Variants in MYO16 observed in about 807,000 individuals in gnomAD.
MYO16 encodes the protein unconventional myosin-XVI.
MYO16 carries 94 observed loss-of-function variants against 205.3 expected under a neutral mutation model. The observed-to-expected ratio is 0.46, with a 90% CI of 0.39 to 0.54. The LOEUF is 0.54. MYO16 is among the 20% of genes least tolerant of loss of function. The probability of loss-of-function intolerance (pLI) is 0.00; values close to 1 mark genes in which losing one functional copy is unlikely to be tolerated. For synonymous variants in MYO16, 988 were observed against 954.0 expected (o/e 1.04, Z -0.66); for missense variants, 2,315 against 2,387.5 (o/e 0.97, Z 0.63).
chr13:108,673,205 G>A (rs1039952555), intron 2 of MYO16, among the ~76,000 whole-genome samples: 1 of 152,064 alleles, frequency 6.6e-6, no homozygotes, highest in Non-Finnish European at 1.5e-5. Flanking sequence ...ATCTTCACAG[G>A]TTGATTTACC....
chr13:109,096,736 C>G (rs200225607), intron 27 of MYO16, among the ~76,000 whole-genome samples: 4 of 151,486 alleles, frequency 2.6e-5, no homozygotes, highest in Admixed American at 6.6e-5. Flanking sequence ...ACAAAGATGT[C>G]CCCTTACTCT....
the MYO16 span, among the ~76,000 whole-genome samples, chr13:108,580,531 C>CTA: frequency 6.6e-6 from 1 of 152,194 alleles, no homozygotes; most frequent in East Asian, 1.9e-4. Flanking sequence ...TAAATTTAAA[C>CTA]TATAACAAGT....
chr13:108,498,295 G>T, the MYO16 span, among the ~76,000 whole-genome samples: 6 of 152,236 alleles, frequency 3.9e-5, no homozygotes, highest in Non-Finnish European at 5.9e-5. Flanking sequence ...AAGTGAAGGC[G>T]AAGAGGTCCA....
In MYO16 at chr13:108,666,032, G is replaced by A. The variant is rs1294849680; in HGVS notation, c.175G>A (p.Ala59Thr). 3 of 1,614,130 alleles carry A rather than the reference G, an allele frequency of 1.9e-6. No homozygotes were observed. The highest frequency in any genetic ancestry group is 1.6e-4 in the Middle Eastern group (1 of 6,062). ...QIKAYYEREK[A>T]FQKQEGFLKR... Reference sequence around the variant, plus strand: ...CAAAGCCTACTATGAGCGCGAGAAGGCTTTTCAGAAGCAGGAAGGGTTCCT... The same window carrying A: ...CAAAGCCTACTATGAGCGCGAGAAGACTTTTCAGAAGCAGGAAGGGTTCCT... Residue 59 changes from alanine to threonine, a missense_variant, in exon 2 of 35, where the codon GCT becomes ACT. Physicochemically the swap from Ala to Thr is moderately conservative, Grantham distance 58. Around this residue, in one of 3 missense-constraint regions of MYO16, gnomAD observed 1,213 missense variants for 1,274.4 expected, o/e 0.95. Transcript: ENST00000457511.
chr13:108,880,372 TC>T (rs1879554182), intron 12 of MYO16, among the ~76,000 whole-genome samples: 1 of 152,232 alleles, frequency 6.6e-6, no homozygotes, highest in Non-Finnish European at 1.5e-5. Context: ...TTTAATTAGA[TC>T]CCATTTGTCA....
At chr13:109,013,453 T>C (rs1885687682) in intron 22 of MYO16, among the ~76,000 whole-genome samples, 1 of 152,204 alleles carries the variant, frequency 6.6e-6, no homozygotes, top group Non-Finnish European at 1.5e-5. Flanking sequence ...TATACTAGCA[T>C]GGTTTATAAT....
chr13:108,730,415 A>T (rs1884483802), intron 4 of MYO16, among the ~76,000 whole-genome samples: 1 of 152,186 alleles, frequency 6.6e-6, no homozygotes, highest in Non-Finnish European at 1.5e-5. Flanking sequence ...GCAGCGTGAG[A>T]ACAGGCTAAT....
intron 28 of MYO16, among the ~76,000 whole-genome samples, chr13:109,111,593 G>A (rs2776732): frequency 0.79 from 120,292 of 152,156 alleles, 47,558 homozygotes; most frequent in Middle Eastern, 0.82. Flanking sequence ...GTATGAAAAT[G>A]AAGCATTTTA....
At chr13:109,193,137 C>G (rs1451714258) in intron 34 of MYO16, among the ~76,000 whole-genome samples, 1 of 152,172 alleles carries the variant, frequency 6.6e-6, no homozygotes, top group Non-Finnish European at 1.5e-5. Context: ...CTTTCTCTCT[C>G]TCTCTCACAC....
intron 20 of MYO16, among the ~76,000 whole-genome samples, chr13:108,988,542 T>C (rs1370033036): frequency 1.3e-5 from 2 of 152,120 alleles, no homozygotes; most frequent in African/African-American, 4.8e-5. Flanking sequence ...CCACTCTAAA[T>C]TACCAATTAA....
chr13:109,100,661 G>A (rs1888932172), intron 27 of MYO16, 124 bp from the exon 28 acceptor site: 1 of 677,804 alleles, frequency 1.5e-6, no homozygotes, highest in Non-Finnish European at 2.6e-6. Context: ...GTATTTGGCT[G>A]TTCCTGGGAT....
At chr13:108,825,177 A>G (rs943072689) in intron 9 of MYO16, among the ~76,000 whole-genome samples, 4 of 152,142 alleles carry the variant, frequency 2.6e-5, no homozygotes, top group African/African-American at 4.8e-5. Flanking sequence ...GTTGAGCCAC[A>G]TATAAAAAGG....
chr13:109,016,186 G>T (rs1024497962), intron 22 of MYO16, among the ~76,000 whole-genome samples: 8 of 152,160 alleles, frequency 5.3e-5, no homozygotes, highest in Admixed American at 1.3e-4. Context: ...TGGTTTCAAA[G>T]AACATCTTTA....
chr13:108,722,688 G>A lies in MYO16; in HGVS notation c.364-4752G>A, dbSNP rs80014615. Among the ~76,000 whole-genome samples, 60 of 152,270 alleles carry A rather than the reference G, an allele frequency of 3.9e-4. 2 individuals are homozygous for A. The East Asian group carries it at 7.9e-3, about 20-fold the overall frequency. Reference sequence around the variant, plus strand: ...CTGAGCTATCACAAAGCTAAAGAGAGCAGAAAAGGAATTACTTGCATATGA... The same window carrying A: ...CTGAGCTATCACAAAGCTAAAGAGAACAGAAAAGGAATTACTTGCATATGA... On this transcript the variant is annotated intron_variant, in intron 3 of 34. Coordinates refer to ENST00000457511, the MANE Select transcript of MYO16 (RefSeq NM_001198950.3).
At chr13:108,544,066 C>CAAA in the MYO16 span, among the ~76,000 whole-genome samples, 16 of 51,230 alleles carry the variant, frequency 3.1e-4, no homozygotes, top group African/African-American at 4.9e-4. Context: ...ACTCCGTCTC[C>CAAA]AAAAAAAAAA....
At chr13:108,796,979 G>A (rs980985166) in intron 6 of MYO16, among the ~76,000 whole-genome samples, 2 of 151,946 alleles carry the variant, frequency 1.3e-5, no homozygotes, top group Non-Finnish European at 2.9e-5. Flanking sequence ...AAAGGACAGG[G>A]GTAAACCGGA....
chr13:108,958,497 T>G (rs1005085236), intron 17 of MYO16, among the ~76,000 whole-genome samples: 2 of 152,096 alleles, frequency 1.3e-5, no homozygotes, highest in African/African-American at 4.8e-5. Context: ...TTTAAAACTT[T>G]TAGATCATGG....
chr13:108,712,292 A>T (rs1446642656), intron 2 of MYO16, among the ~76,000 whole-genome samples: 1 of 152,204 alleles, frequency 6.6e-6, no homozygotes, highest in African/African-American at 2.4e-5. Flanking sequence ...AAAAAATAAA[A>T]ATAAAAATTC....
chr13:108,630,747 G>C (rs1338478729), intron 1 of MYO16, among the ~76,000 whole-genome samples: 1 of 152,156 alleles, frequency 6.6e-6, no homozygotes. Flanking sequence ...TTAAATTGAA[G>C]CAGCATATTA....
Sources: gnomAD v4.1 joint callset for allele counts (sites outside exome capture counted in the v4.1 genomes callset) on GRCh38, gnomAD v4.1.1 for gene constraint, gnomAD v4.1.1 regional missense constraint, MANE v1.5 for transcripts, NCBI Gene and HGNC (gene_info 2026-07-23, HGNC 2026-07-21) for gene names.